PIP4K2B: variants seen among roughly 807,000 people sequenced by gnomAD.
The protein encoded by PIP4K2B is phosphatidylinositol-5-phosphate 4-kinase type 2 beta, also known as phosphatidylinositol 5-phosphate 4-kinase type-2 beta.
A neutral mutation model predicts 42.0 loss-of-function variants in PIP4K2B; 3 were observed. That is an observed-to-expected ratio of 0.07 (90% CI 0.03 to 0.18). The LOEUF is 0.18. Ranked by LOEUF, PIP4K2B falls within the 10% of genes least tolerant of loss-of-function variation. PIP4K2B has a pLI of 1.00. For synonymous variants in PIP4K2B, 204 were observed against 210.1 expected (o/e 0.97, Z 0.25); for missense variants, 332 against 562.3 (o/e 0.59, Z 4.14).
chr17:38,780,363 G>A (rs1461064108), intron 4 of PIP4K2B, 89 bp downstream of exon 4: 23 of 1,218,526 alleles, frequency 1.9e-5, no homozygotes, highest in African/African-American at 3.0e-5. Context: ...TACCAGAGAG[G>A]ACCAACCCCT....
chr17:38,794,830 T>G (rs1025536653), intron 1 of PIP4K2B, among the ~76,000 whole-genome samples: 1 of 151,800 alleles, frequency 6.6e-6, no homozygotes, highest in Non-Finnish European at 1.5e-5. Flanking sequence ...CCAGGTGCAG[T>G]GGCTCACGCC....
intron 7 of PIP4K2B, 90 bp downstream of exon 7, chr17:38,777,597 G>T: frequency 1.1e-6 from 1 of 876,490 alleles, no homozygotes; most frequent in Non-Finnish European, 1.9e-6. Context: ...CTCCTGGAAA[G>T]TACTGAATTC....
chr17:38,787,738 C>T (rs1407733569), intron 1 of PIP4K2B, among the ~76,000 whole-genome samples: 1 of 152,140 alleles, frequency 6.6e-6, no homozygotes. Flanking sequence ...GGATTACAGG[C>T]ATGCACCACC....
Position 38,766,531 on chromosome 17 carries a change from C to T in PIP4K2B, c.*3160G>A, listed in dbSNP as rs1454811828. 1 of 152,706 alleles carries T rather than the reference C, an allele frequency of 6.5e-6. No individual in the cohort carries two copies. Among genetic ancestry groups the T allele is most frequent in the Non-Finnish European group, 1.5e-5 (1 of 68,102 alleles). 9.5% of individuals were successfully genotyped at this position (152,706 alleles called of 1,614,324 possible). On this transcript the variant is annotated 3_prime_UTR_variant, in exon 10 of 10. Transcript: ENST00000619039. ...CAGGGCAGGAGTGTAGCCTCACGCC[C>T]TGAGCGCTACCAGCAGGCCTGTTTG...
chr17:38,778,491 G>A (rs1909494805), intron 5 of PIP4K2B, 119 bp from the exon 6 acceptor site: 1 of 865,130 alleles, frequency 1.2e-6, no homozygotes, highest in African/African-American at 1.6e-5. Flanking sequence ...GAGGGGCCAG[G>A]AGGCAGCACC....
chr17:38,795,770 A>G lies in PIP4K2B; in HGVS notation c.159+3496T>C, dbSNP rs368580398. ...TGTCTCAAGAAAAAAAAAAAAAGAA[A>G]AGAATATGTACAAATGGCCAGTAAG... On this transcript the variant is annotated intron_variant, in intron 1 of 9. Coordinates refer to ENST00000619039, the MANE Select transcript of PIP4K2B (RefSeq NM_003559.5). 2.0e-5 allele frequency among the ~76,000 whole-genome samples: 3 copies of G among 152,030 alleles called. No individual in the cohort carries two copies. The East Asian group carries it at 5.8e-4, about 29-fold the overall frequency.
intron 7 of PIP4K2B, among the ~76,000 whole-genome samples, chr17:38,774,597 T>C (rs1453616125): frequency 3.3e-5 from 5 of 151,754 alleles, no homozygotes; most frequent in African/African-American, 4.8e-5. Flanking sequence ...TGAAACCCCA[T>C]CTCTACTAAA....
intron 3 of PIP4K2B, among the ~76,000 whole-genome samples, chr17:38,782,462 G>A (rs1440683450): frequency 6.6e-6 from 1 of 152,232 alleles, no homozygotes; most frequent in Non-Finnish European, 1.5e-5. Context: ...GAACAATGGA[G>A]GGAATCTGTC....
At position 38,780,432 on chromosome 17, in the gene PIP4K2B, A is replaced by G. The variant is rs199811911; in HGVS notation, c.507+20T>C. On this transcript the variant is annotated intron_variant, in intron 4 of 9. Coordinates refer to ENST00000619039, the MANE Select transcript of PIP4K2B (RefSeq NM_003559.5). ...TCTTCCAACCCATCCTCTGCAGCCC[A>G]GGCTTGGGACTCACCATACCTGGTG... 64 of 1,588,798 alleles carry G rather than the reference A, an allele frequency of 4.0e-5. No homozygotes were observed. In the African/African-American group the frequency reaches 7.4e-4, roughly 18 times the overall value.
intron 5 of PIP4K2B, among the ~76,000 whole-genome samples, chr17:38,779,168 T>C (rs1598048137): frequency 1.3e-5 from 2 of 152,214 alleles, no homozygotes; most frequent in South Asian, 2.1e-4. Flanking sequence ...GCTGCATAAA[T>C]ATGGCACATT....
chr17:38,772,316 G>A (rs1033669098), intron 7 of PIP4K2B, among the ~76,000 whole-genome samples: 4 of 152,122 alleles, frequency 2.6e-5, no homozygotes, highest in Non-Finnish European at 5.9e-5. Context: ...TTTAAATAGT[G>A]TACCATTCCG....
chr17:38,773,029 G>C (rs1909131776), intron 7 of PIP4K2B, among the ~76,000 whole-genome samples: 1 of 152,190 alleles, frequency 6.6e-6, no homozygotes, highest in South Asian at 2.1e-4. Context: ...ACAGGGTTCA[G>C]TACTATCTGT....
chr17:38,777,467 A>G (rs1041646060), intron 7 of PIP4K2B, among the ~76,000 whole-genome samples: 4 of 152,182 alleles, frequency 2.6e-5, no homozygotes, highest in African/African-American at 9.7e-5. Flanking sequence ...AGCATTCTAA[A>G]CTAAATTACA....
In PIP4K2B at chr17:38,771,131, G is replaced by A. The variant is rs1567651756; in HGVS notation, c.949C>T (p.Leu317Phe). 6.2e-7 allele frequency: 1 copy of A among 1,614,154 alleles called. No individual in the cohort carries two copies. Among genetic ancestry groups the A allele is most frequent in the Non-Finnish European group, 8.5e-7 (1 of 1,180,020 alleles). ...CENDGVGGNL[L>F]CSYGTPPDSP... is the part of the protein sequence containing the mutation. ...TCCGGAGGTGTGCCATAGGAGCAGA[G>A]TAGGTTGCCACCCACCCCATCATTC... The change falls in exon 8 of 10, where the codon CTC (leucine) becomes TTC (phenylalanine). Residue 317 changes from leucine to phenylalanine, a missense_variant. Transcript: ENST00000619039.
At chr17:38,778,048 G>T (rs967515794) in intron 6 of PIP4K2B, among the ~76,000 whole-genome samples, 8 of 152,210 alleles carry the variant, frequency 5.3e-5, no homozygotes, top group African/African-American at 1.9e-4. Flanking sequence ...CCAGCTCAGG[G>T]CTCAGGCAGC....
At position 38,770,998 on chromosome 17, in the gene PIP4K2B, G is replaced by A. The variant is rs752939540; in HGVS notation, c.1066+16C>T. ...GAGGGCAGGGCTGTGCAGAGCAGGCGCAGGCTCTGACTTACTTTCATGGCT... is the reference window on the plus strand; with the variant it reads ...GAGGGCAGGGCTGTGCAGAGCAGGCACAGGCTCTGACTTACTTTCATGGCT... On this transcript the variant is annotated intron_variant, in intron 8 of 9. Coordinates refer to ENST00000619039, the MANE Select transcript of PIP4K2B (RefSeq NM_003559.5). The A allele has an allele frequency of 3.0e-5, 48 of 1,613,826 alleles. No homozygotes were observed. The highest frequency in any genetic ancestry group is 4.5e-5 in the East Asian group (2 of 44,876).
chr17:38,781,714 G>A (rs193079395), intron 3 of PIP4K2B, among the ~76,000 whole-genome samples: 12 of 151,518 alleles, frequency 7.9e-5, no homozygotes, highest in African/African-American at 1.5e-4. Flanking sequence ...ATGTAGTTTC[G>A]CCATGTTTCC....
At chr17:38,785,419 C>T (rs1181343713) in intron 2 of PIP4K2B, among the ~76,000 whole-genome samples, 14 of 152,168 alleles carry the variant, frequency 9.2e-5, no homozygotes, top group Non-Finnish European at 1.6e-4. Context: ...TGCCTGTAAT[C>T]CCAGTACTTT....
At position 38,799,246 on chromosome 17, in the gene PIP4K2B, G is replaced by C. The variant is rs1459078993; in HGVS notation, c.159+20C>G. On this transcript the variant is annotated intron_variant, in intron 1 of 9. Transcript: ENST00000619039. The surrounding 1 kb of genome is among the most constrained non-coding windows in gnomAD (Gnocchi z 4.4). ...GAGCGCGCGGGGCCGCGCTCAGAGG[G>C]GCGCGCAGGAGCTGGTTACCGTGTG... 3.8e-6 allele frequency: 6 copies of C among 1,574,382 alleles called. No individual in the cohort carries two copies. The East Asian group carries it at 7.1e-5, about 19-fold the overall frequency.
Sources: allele counts gnomAD v4.1 joint callset (sites outside exome capture counted in the v4.1 genomes callset), GRCh38; gene constraint gnomAD v4.1.1; non-coding constraint Gnocchi (gnomAD v3.1); transcripts MANE v1.5; gene names NCBI Gene and HGNC (gene_info 2026-07-23, HGNC 2026-07-21).